The following WDPCP variants were observed in gnomAD, a reference collection of about 807,000 sequenced individuals.
WDPCP encodes WD repeat containing planar cell polarity effector, also known as WD repeat-containing and planar cell polarity effector protein fritz homolog.
In WDPCP, 71 loss-of-function variants were observed where a neutral mutation model predicts 93.1. The observed-to-expected ratio is 0.76, with a 90% CI of 0.63 to 0.93. The LOEUF is 0.93. Ranked by LOEUF, WDPCP falls within the 40% of genes least tolerant of loss-of-function variation. WDPCP has a pLI of 0.00. For missense variants in WDPCP, 844 were observed against 887.4 expected (o/e 0.95, Z 0.62); for synonymous variants, 315 against 315.0 (o/e 1.00, Z 0.00).
intron 1 of WDPCP, among the ~76,000 whole-genome samples, chr2:63,537,471 T>A (rs180745288): frequency 4.0e-4 from 61 of 152,316 alleles, no homozygotes; most frequent in Middle Eastern, 3.4e-3. Flanking sequence ...AAGGATGAAA[T>A]TCTGATGATA....
At chr2:63,427,107 C>G (rs915401052) in intron 9 of WDPCP, among the ~76,000 whole-genome samples, 3 of 152,154 alleles carry the variant, frequency 2.0e-5, no homozygotes, top group African/African-American at 4.8e-5. Flanking sequence ...TCTTCTTGAC[C>G]TATGTGAAAG....
intron 1 of WDPCP, among the ~76,000 whole-genome samples, chr2:63,554,716 C>T (rs1705946696): frequency 6.6e-6 from 1 of 152,112 alleles, no homozygotes; most frequent in East Asian, 1.9e-4. Context: ...AAGTATCCTC[C>T]TCATCAAAAT....
intron 14 of WDPCP, among the ~76,000 whole-genome samples, chr2:63,211,672 A>C (rs1676819678): frequency 1.3e-5 from 2 of 152,198 alleles, no homozygotes; most frequent in South Asian, 4.1e-4. Context: ...AACTTCTCTG[A>C]GCTAAAGGAG....
At chr2:63,303,366 C>T (rs779655769) in intron 13 of WDPCP, among the ~76,000 whole-genome samples, 20 of 152,138 alleles carry the variant, frequency 1.3e-4, no homozygotes, top group Admixed American at 4.6e-4. Flanking sequence ...TGTGGTAGGA[C>T]GTGGGTTGGC....
chr2:63,801,278 G>T (rs1200021054), intron 2 of WDPCP, among the ~76,000 whole-genome samples: 1 of 152,158 alleles, frequency 6.6e-6, no homozygotes, highest in African/African-American at 2.4e-5. Flanking sequence ...TCACCCATGT[G>T]AGCCCCTCCA....
chr2:63,336,833 TC>T (rs1688407905), intron 12 of WDPCP, among the ~76,000 whole-genome samples: 1 of 151,310 alleles, frequency 6.6e-6, no homozygotes. Context: ...CCTTTTATCC[TC>T]CATCTTACCC....
intron 2 of WDPCP, among the ~76,000 whole-genome samples, chr2:63,728,352 C>T (rs964309892): frequency 1.3e-5 from 2 of 152,086 alleles, no homozygotes; most frequent in African/African-American, 2.4e-5. Flanking sequence ...AGGACCTGGA[C>T]GAGGGTGAGA....
intron 12 of WDPCP, chr2:63,377,894 G>C (rs1691989782): frequency 6.5e-6 from 1 of 154,052 alleles, no homozygotes; most frequent in Admixed American, 6.4e-5. Context: ...TATTTTCTAG[G>C]TTAACAAAAT....
intron 14 of WDPCP, among the ~76,000 whole-genome samples, chr2:63,199,636 T>G (rs1057192196): frequency 6.6e-6 from 1 of 152,210 alleles, no homozygotes; most frequent in African/African-American, 2.4e-5. Flanking sequence ...TTTCAGAGGA[T>G]GTATGGAAAC....
intron 15 of WDPCP, among the ~76,000 whole-genome samples, chr2:63,161,349 C>T (rs564023357): frequency 1.1e-4 from 17 of 152,338 alleles, no homozygotes; most frequent in Middle Eastern, 3.4e-3. Flanking sequence ...AATTCCCTCT[C>T]TGAAAGTCTG....
intron 1 of WDPCP, among the ~76,000 whole-genome samples, chr2:63,511,897 T>C (rs1405244630): frequency 6.6e-6 from 1 of 152,074 alleles, no homozygotes; most frequent in Non-Finnish European, 1.5e-5. Flanking sequence ...AATTGACAAA[T>C]GGGATCTAAT....
chr2:63,646,948 T>C (rs1233070027), intron 3 of WDPCP, among the ~76,000 whole-genome samples: 1 of 152,168 alleles, frequency 6.6e-6, no homozygotes, highest in African/African-American at 2.4e-5. Flanking sequence ...TTGAGATCTT[T>C]CTCTAGGTTT....
chr2:63,252,412 A>C (rs538650667), intron 14 of WDPCP, among the ~76,000 whole-genome samples: 2 of 152,202 alleles, frequency 1.3e-5, no homozygotes, highest in Non-Finnish European at 2.9e-5. Context: ...TGTTCAAAAA[A>C]GTACTGGAAG....
chr2:63,712,523 G>A (rs1027336409), intron 2 of WDPCP, among the ~76,000 whole-genome samples: 10 of 152,140 alleles, frequency 6.6e-5, no homozygotes, highest in African/African-American at 2.4e-4. Flanking sequence ...GATAAGGAGA[G>A]ATTGAGACTT....
intron 6 of WDPCP, among the ~76,000 whole-genome samples, chr2:63,469,803 A>G (rs1300041296): frequency 6.6e-6 from 1 of 152,146 alleles, no homozygotes; most frequent in Non-Finnish European, 1.5e-5. Flanking sequence ...CCCATGACAC[A>G]TATTTACCTA....
chr2:63,568,323 A>C (rs1707224707), intron 1 of WDPCP, among the ~76,000 whole-genome samples: 2 of 143,366 alleles, frequency 1.4e-5, no homozygotes, highest in African/African-American at 5.3e-5. Context: ...GTCTCTGACT[A>C]TAAATGCTGA....
intron 12 of WDPCP, among the ~76,000 whole-genome samples, chr2:63,367,207 T>C (rs77642589): frequency 0.035 from 5,350 of 152,012 alleles, 157 homozygotes; most frequent in Non-Finnish European, 0.052. Flanking sequence ...AGCTTATAAT[T>C]ACTTAAAGAC....
intron 3 of WDPCP, among the ~76,000 whole-genome samples, chr2:63,647,885 T>C (rs1017578750): frequency 2.6e-5 from 4 of 152,154 alleles, no homozygotes; most frequent in Non-Finnish European, 5.9e-5. Flanking sequence ...ATCTGAAACC[T>C]GACCAATCAG....
Position 63,403,729 on chromosome 2 carries a change from T to C in WDPCP, c.1435+319A>G, listed in dbSNP as rs953601336. The stretch of plus-strand genomic sequence containing the variant: ...TTTTTCAATGGACAAAGTAAGTCCT[T>C]CTAAAATATTCACATGTCTATTTCT... On this transcript the variant is annotated intron_variant, in intron 10 of 17. Transcript: ENST00000272321. The C allele has an allele frequency of 1.7e-5, 4 of 228,894 alleles. No individual in the cohort carries two copies. The East Asian group carries it at 4.2e-4, about 24-fold the overall frequency. The allele number at this position is 228,894 out of a possible 1,614,324, so 14.2% of individuals were successfully genotyped here.
Sources: allele counts gnomAD v4.1 joint callset (sites outside exome capture counted in the v4.1 genomes callset), GRCh38; gene constraint gnomAD v4.1.1; transcripts MANE v1.5; gene names NCBI Gene and HGNC (gene_info 2026-07-23, HGNC 2026-07-21).